TIFAB: variants seen among roughly 807,000 people sequenced by gnomAD.
TIFAB encodes the protein TRAF-interacting protein with FHA domain-containing protein B.
For synonymous variants in TIFAB, 116 were observed against 95.2 expected (o/e 1.22, Z -1.27); for missense variants, 222 against 203.6 (o/e 1.09, Z -0.55).
chr5:135,446,249 A>C lies in TIFAB; in HGVS notation c.*3205T>G. The stretch of plus-strand genomic sequence containing the variant: ...AACTATAGTAAGTGGGGGTGGGGAC[A>C]AGAATTCTAACCCAGGCAGCAGTCT... On this transcript the variant is annotated 3_prime_UTR_variant, in exon 2 of 2. Transcript: ENST00000537858. 3 of 1,189,742 alleles carry C rather than the reference A, an allele frequency of 2.5e-6. No individual in the cohort carries two copies. The highest frequency in any genetic ancestry group is 2.4e-6 in the Non-Finnish European group (2 of 845,962). 73.7% of individuals were successfully genotyped at this position (1,189,742 alleles called of 1,614,324 possible).
rs899729100 is a variant in TIFAB, at chr5:135,449,181, C to T, written c.*273G>A. 2.0e-6 allele frequency: 1 copy of T among 503,980 alleles called. No homozygotes were observed. Among genetic ancestry groups the T allele is most frequent in the Non-Finnish European group, 3.6e-6 (1 of 279,720 alleles). 31.2% of individuals were successfully genotyped at this position (503,980 alleles called of 1,614,324 possible). ...GCTCTGGCCACAGAGGGTGCTTCTC[C>T]CCCCTGGGCTGTTTGTTCGGTGTTT... On this transcript the variant is annotated 3_prime_UTR_variant, in exon 2 of 2. Transcript: ENST00000537858.
chr5:135,452,006 G>A (rs115617290), intron 1 of TIFAB, among the ~76,000 whole-genome samples: 1,816 of 152,350 alleles, frequency 0.012, 20 homozygotes, highest in Non-Finnish European at 0.021. Context: ...CCACTAAAGA[G>A]GAGCCCATCC....
chr5:135,451,465 C>G lies in TIFAB; in HGVS notation c.-11+744G>C, dbSNP rs112529990. Among the ~76,000 whole-genome samples, 4 of 151,652 alleles carry G rather than the reference C, an allele frequency of 2.6e-5. No individual in the cohort carries two copies. In the East Asian group the frequency reaches 7.7e-4, roughly 29 times the overall value. ...CACACCCCATCTGGCCATAGTCTGC[C>G]GAAAGCCTTTCTTTTTTTTCTTTTT... On this transcript the variant is annotated intron_variant, in intron 1 of 1. Transcript: ENST00000537858.
rs192413304 is a variant in TIFAB, at chr5:135,448,987, G to A, written c.*467C>T. The A allele has an allele frequency of 1.2e-3, 213 of 173,030 alleles. 5 individuals are homozygous for A. The highest frequency in any genetic ancestry group is 0.012 in the East Asian group (85 of 7,324). 10.7% of individuals were successfully genotyped at this position (173,030 alleles called of 1,614,324 possible). On this transcript the variant is annotated 3_prime_UTR_variant, in exon 2 of 2. Transcript: ENST00000537858. Reference sequence around the variant, plus strand: ...AAATGTAATTGTTACATGTGTCCACGCATTCCTGGTGCAACCTCAAACTCC... The same window carrying A: ...AAATGTAATTGTTACATGTGTCCACACATTCCTGGTGCAACCTCAAACTCC...
intron 1 of TIFAB, among the ~76,000 whole-genome samples, chr5:135,451,341 C>A (rs554964152): frequency 6.6e-6 from 1 of 152,296 alleles, no homozygotes; most frequent in African/African-American, 2.4e-5. Context: ...AGGTTAATGG[C>A]TGAGACCTTT....
At chr5:135,450,037 G>T in intron 1 of TIFAB, 88 bp from the exon 2 acceptor site, 1 of 1,467,836 alleles carries the variant, frequency 6.8e-7, no homozygotes, top group Non-Finnish European at 9.1e-7. Flanking sequence ...GCCCACCTCA[G>T]GGGCCCTGTG....
Position 135,449,750 on chromosome 5 carries a change from G to A in TIFAB, c.190C>T (p.Leu64=). Residue 64 remains leucine, a synonymous_variant, in exon 2 of 2, where the codon CTG becomes TTG. Transcript: ENST00000537858. The stretch of plus-strand genomic sequence containing the variant: ...GCCAGCAGGGCACTGCCTTTCTCCA[G>A]GTAGGGCTCCAGGGACAGGTGACGG... ...SRRHLSLEPY[L]EKGSALLAFC... is the part of the protein sequence containing the mutation. The A allele has an allele frequency of 3.1e-6, 5 of 1,613,802 alleles. No homozygotes were observed. Among genetic ancestry groups the A allele is most frequent in the Middle Eastern group, 1.7e-4 (1 of 6,060 alleles).
At position 135,446,584 on chromosome 5, in the gene TIFAB, T is replaced by C. The variant is rs1580654493; in HGVS notation, c.*2870A>G. The C allele has an allele frequency of 1.9e-6, 3 of 1,614,004 alleles. No individual in the cohort carries two copies. The East Asian group carries it at 6.7e-5, about 36-fold the overall frequency. Reference sequence around the variant, plus strand: ...ATGGATCTGATGATTTCAGTGATTTTCTACTCAAGAAAAATGAAGTCTCGG... The same window carrying C: ...ATGGATCTGATGATTTCAGTGATTTCCTACTCAAGAAAAATGAAGTCTCGG... On this transcript the variant is annotated 3_prime_UTR_variant, in exon 2 of 2. Coordinates refer to ENST00000537858, the MANE Select transcript of TIFAB (RefSeq NM_001099221.2).
In TIFAB at chr5:135,446,984, G is replaced by A. The variant is rs746931078; in HGVS notation, c.*2470C>T. On this transcript the variant is annotated 3_prime_UTR_variant, in exon 2 of 2. Coordinates refer to ENST00000537858, the MANE Select transcript of TIFAB (RefSeq NM_001099221.2). ...CCCAAAGTTCTCTGGTGGAGCTGGGGAGTGGCACCCTGGGAACTCTGGGGT... is the reference window on the plus strand; with the variant it reads ...CCCAAAGTTCTCTGGTGGAGCTGGGAAGTGGCACCCTGGGAACTCTGGGGT... 5 of 1,613,220 alleles carry A rather than the reference G, an allele frequency of 3.1e-6. No homozygotes were observed. Among genetic ancestry groups the A allele is most frequent in the Non-Finnish European group, 4.2e-6 (5 of 1,179,528 alleles).
chr5:135,445,949 G>A lies in TIFAB; in HGVS notation c.*3505C>T, dbSNP rs189112976. The A allele has an allele frequency of 1.4e-3, 220 of 156,032 alleles. 1 individual carries two copies. The highest frequency in any genetic ancestry group is 7.7e-3 in the South Asian group (38 of 4,930). 9.7% of individuals were successfully genotyped at this position (156,032 alleles called of 1,614,324 possible). ...TTTCCAGACAATGTCTCAGAGAATT[G>A]TAGTGCTCTGGGGTATGCCTGAATG... On this transcript the variant is annotated 3_prime_UTR_variant, in exon 2 of 2. Transcript: ENST00000537858.
At chr5:135,451,433 CT>C (rs1363529263) in intron 1 of TIFAB, among the ~76,000 whole-genome samples, 6 of 152,034 alleles carry the variant, frequency 3.9e-5, no homozygotes, top group Non-Finnish European at 4.4e-5. Context: ...ACACATATGC[CT>C]CTACCCACAC....
chr5:135,449,742 T>A lies in TIFAB; in HGVS notation c.198A>T (p.Lys66Asn). 1 of 1,613,908 alleles carries A rather than the reference T, an allele frequency of 6.2e-7. No homozygotes were observed. Among genetic ancestry groups the A allele is most frequent in the Non-Finnish European group, 8.5e-7 (1 of 1,179,900 alleles). The change falls in exon 2 of 2, where the codon AAA (lysine) becomes AAT (asparagine). Residue 66 changes from lysine (K) to asparagine (N), a missense_variant. Lys to Asn is a moderately conservative substitution (Grantham distance 94). Coordinates refer to ENST00000537858, the MANE Select transcript of TIFAB (RefSeq NM_001099221.2). ...GGCAGAAGGCCAGCAGGGCACTGCC[T>A]TTCTCCAGGTAGGGCTCCAGGGACA... is the stretch of plus-strand genomic sequence containing the variant. ...RHLSLEPYLEKGSALLAFCLK... is the reference protein window; with the variant it reads ...RHLSLEPYLENGSALLAFCLK...
rs760625228 is a variant in TIFAB at position 135,446,890 on chromosome 5, G to A, written c.*2564C>T. On this transcript the variant is annotated 3_prime_UTR_variant, in exon 2 of 2. Transcript: ENST00000537858. ...GCAGGACCCCAGCTGGCAAGGTTTT[G>A]TTCCTCCCTGGAGGGTAGAGACCCT... 3.7e-6 allele frequency: 6 copies of A among 1,613,600 alleles called. No homozygotes were observed. The highest frequency in any genetic ancestry group is 2.7e-5 in the African/African-American group (2 of 74,936).
chr5:135,447,474 AGGT>A lies in TIFAB; in HGVS notation c.*1977_*1979del. Reference sequence around the variant, plus strand: ...GCTGGGCACTGATTGAATGCTTTACAGGTGTCACCTTCTAAGACCCTCGTAACT... The same window carrying A: ...GCTGGGCACTGATTGAATGCTTTACAGTCACCTTCTAAGACCCTCGTAACT... On this transcript the variant is annotated 3_prime_UTR_variant, in exon 2 of 2. Coordinates refer to ENST00000537858, the MANE Select transcript of TIFAB (RefSeq NM_001099221.2). 1 of 253,280 alleles carries A rather than the reference AGGT, an allele frequency of 3.9e-6. No individual in the cohort carries two copies. Among genetic ancestry groups the A allele is most frequent in the Non-Finnish European group, 7.5e-6 (1 of 132,780 alleles). 15.7% of individuals were successfully genotyped at this position (253,280 alleles called of 1,614,324 possible).
Position 135,446,554 on chromosome 5 carries a change from G to T in TIFAB, c.*2900C>A, listed in dbSNP as rs758409770. ...AGCTGTTAGGAGAAAGTGAAGGTGG[G>T]TGCCATGGATCTGATGATTTCAGTG... is the stretch of plus-strand genomic sequence containing the variant. On this transcript the variant is annotated 3_prime_UTR_variant, in exon 2 of 2. Coordinates refer to ENST00000537858, the MANE Select transcript of TIFAB (RefSeq NM_001099221.2). 3 of 1,613,880 alleles carry T rather than the reference G, an allele frequency of 1.9e-6. No homozygotes were observed. The highest frequency in any genetic ancestry group is 1.7e-5 in the Admixed American group (1 of 60,002).
In TIFAB at chr5:135,446,652, G is replaced by C. The variant is rs146623681; in HGVS notation, c.*2802C>G. The stretch of plus-strand genomic sequence containing the variant: ...GCCTTAAAAACTTGGTACAGGGCAA[G>C]GTGTGAGTTTCCCGGTGAGACTGTG... On this transcript the variant is annotated 3_prime_UTR_variant, in exon 2 of 2. Transcript: ENST00000537858. The C allele has an allele frequency of 4.7e-4, 756 of 1,614,054 alleles. 1 individual carries two copies. Among genetic ancestry groups the C allele is most frequent in the South Asian group, 7.1e-4 (65 of 91,084 alleles).
chr5:135,449,826 G>A lies in TIFAB; in HGVS notation c.114C>T (p.Leu38=), dbSNP rs750046236. 16 of 1,608,296 alleles carry A rather than the reference G, an allele frequency of 9.9e-6. No individual in the cohort carries two copies. Among genetic ancestry groups the A allele is most frequent in the East Asian group, 8.9e-5 (4 of 44,770 alleles). The change falls in exon 2 of 2, where the codon CTC becomes CTT. Residue 38 remains leucine, a synonymous_variant. Transcript: ENST00000537858. ...GGAGGTGGGCGTCCTGCCCCCGTCC[G>A]AGAAGCAGAGGGCTGGTATCATGCT... The part of the protein sequence containing the change: ...RLQHDTSPLL[L]GRGQDAHLQL...
At position 135,447,009 on chromosome 5, in the gene TIFAB, T is replaced by C. The variant is rs1310283031; in HGVS notation, c.*2445A>G. On this transcript the variant is annotated 3_prime_UTR_variant, in exon 2 of 2. Coordinates refer to ENST00000537858, the MANE Select transcript of TIFAB (RefSeq NM_001099221.2). ...GAGTGGCACCCTGGGAACTCTGGGG[T>C]TTCCCCACCAGCTCCTCTCTCCAGT... is the stretch of plus-strand genomic sequence containing the variant. 1.9e-6 allele frequency: 3 copies of C among 1,613,454 alleles called. No homozygotes were observed. In the East Asian group the frequency reaches 6.7e-5, roughly 36 times the overall value.
rs948649946 is a variant in TIFAB, at chr5:135,444,790, C to A, written c.*4664G>T. 4.6e-5 allele frequency: 7 copies of A among 152,246 alleles called. No individual in the cohort carries two copies. Among genetic ancestry groups the A allele is most frequent in the African/African-American group, 1.7e-4 (7 of 41,454 alleles). 9.4% of individuals were successfully genotyped at this position (152,246 alleles called of 1,614,324 possible). On this transcript the variant is annotated 3_prime_UTR_variant, in exon 2 of 2. Transcript: ENST00000537858. ...CCCCTTGACAAAGTCTTGCTCTACA[C>A]GTTTCTGTAGTGACCGTCCATTTGA...
Sources: allele counts gnomAD v4.1 joint callset (sites outside exome capture counted in the v4.1 genomes callset), GRCh38; gene constraint gnomAD v4.1.1; transcripts MANE v1.5; gene names NCBI Gene and HGNC (gene_info 2026-07-23, HGNC 2026-07-21).